Variants in EFHC1 observed in about 807,000 individuals in gnomAD.
EFHC1 encodes EF-hand domain containing 1.
A neutral mutation model predicts 69.9 loss-of-function variants in EFHC1; 53 were observed. The observed-to-expected ratio is 0.76, with a 90% confidence interval of 0.61 to 0.95. The LOEUF is 0.95. EFHC1 is among the 40% of genes least tolerant of loss of function. The probability of loss-of-function intolerance (pLI) is 0.00; values close to 1 mark genes in which losing one functional copy is unlikely to be tolerated. For synonymous variants in EFHC1, 256 were observed against 278.4 expected (o/e 0.92, Z 0.80); for missense variants, 739 against 798.7 (o/e 0.93, Z 0.90).
chr6:52,479,591 T>G, intron 8 of EFHC1, 49 bp from the exon 9 acceptor site: 1 of 1,613,524 alleles, frequency 6.2e-7, no homozygotes, highest in Non-Finnish European at 8.5e-7. Flanking sequence ...TACTCCTGAT[T>G]GCGTGAGAGA....
Position 52,479,232 on chromosome 6 carries a change from A to G in EFHC1, c.1474A>G (p.Ile492Val). ...CTACTATGGCCCCAGTGACTTCTTC[A>G]TTGGTGCTGTGATTGAAGGTAGGTC... ...PVYYGPSDFFIGAVIEVFGHR... is the reference protein window; with the variant it reads ...PVYYGPSDFFVGAVIEVFGHR... Residue 492 changes from isoleucine to valine, a missense_variant, in exon 8 of 11, where the codon ATT becomes GTT. By Grantham distance (29) the Ile-to-Val change is conservative. Coordinates refer to ENST00000371068, the MANE Select transcript of EFHC1 (RefSeq NM_018100.4). The G allele has an allele frequency of 1.9e-6, 3 of 1,614,076 alleles. No individual in the cohort carries two copies. Among genetic ancestry groups the G allele is most frequent in the Non-Finnish European group, 2.5e-6 (3 of 1,179,998 alleles).
intron 2 of EFHC1, among the ~76,000 whole-genome samples, chr6:52,431,516 G>T (rs1219128534): frequency 6.6e-6 from 1 of 152,080 alleles, no homozygotes; most frequent in Non-Finnish European, 1.5e-5. Flanking sequence ...GGTTTTGAAG[G>T]TTCCTTTTGG....
chr6:52,448,504 G>A (rs996549476), intron 3 of EFHC1, among the ~76,000 whole-genome samples: 7 of 152,116 alleles, frequency 4.6e-5, no homozygotes, highest in Admixed American at 2.6e-4. Context: ...GGAATTCCCC[G>A]ACCCCTTGTG....
At chr6:52,441,066 C>A (rs765733017) in intron 3 of EFHC1, among the ~76,000 whole-genome samples, 11 of 151,942 alleles carry the variant, frequency 7.2e-5, no homozygotes, top group Non-Finnish European at 1.5e-4. Context: ...GCAAATATTT[C>A]TTTCCCATTC....
At chr6:52,469,624 T>C in intron 7 of EFHC1, 151 bp downstream of exon 7, 1 of 1,099,374 alleles carries the variant, frequency 9.1e-7, no homozygotes. Flanking sequence ...TTCAGGGAGG[T>C]TGGATAGTAT....
intron 3 of EFHC1, among the ~76,000 whole-genome samples, chr6:52,448,764 T>C (rs1465337729): frequency 6.6e-6 from 1 of 152,224 alleles, no homozygotes; most frequent in Non-Finnish European, 1.5e-5. Flanking sequence ...ATATAGCTAT[T>C]GAGATAATTA....
In EFHC1 at chr6:52,492,752, C is replaced by A. The variant is rs568704769; in HGVS notation, c.*411C>A. On this transcript the variant is annotated 3_prime_UTR_variant, in exon 11 of 11. Transcript: ENST00000371068. Reference sequence around the variant, plus strand: ...ACTTCAACCTCCCCAGTAGCTGGGACAACAGGCTCAAGCCACCATGCCCAG... The same window carrying A: ...ACTTCAACCTCCCCAGTAGCTGGGAAAACAGGCTCAAGCCACCATGCCCAG... 4.5e-6 allele frequency: 2 copies of A among 443,640 alleles called. No individual in the cohort carries two copies. Among genetic ancestry groups the A allele is most frequent in the South Asian group, 1.6e-5 (1 of 61,826 alleles). The allele number at this position is 443,640 out of a possible 1,614,324, so 27.5% of individuals were successfully genotyped here. A position where few individuals can be genotyped will look rare whatever the true frequency, so the allele number is the denominator to read the frequency against.
intron 9 of EFHC1, among the ~76,000 whole-genome samples, chr6:52,484,946 A>G (rs776097726): frequency 6.6e-6 from 1 of 152,208 alleles, no homozygotes; most frequent in Non-Finnish European, 1.5e-5. Context: ...CTAAAACAGC[A>G]TATTTTAGCT....
chr6:52,472,506 A>G (rs1004117609), intron 7 of EFHC1, among the ~76,000 whole-genome samples: 1 of 152,194 alleles, frequency 6.6e-6, no homozygotes, highest in East Asian at 1.9e-4. Flanking sequence ...CAAAGAAAAC[A>G]TAAAGTTAAA....
Position 52,493,365 on chromosome 6 carries a change from C to CTCTCT in EFHC1, c.*1024_*1025insTCTCT. ...ATAACTCTCTCTTTCTCTCTCTCTA[C>CTCTCT]ATATATATATATATATATATTTTAT... is the stretch of plus-strand genomic sequence containing the variant. On this transcript the variant is annotated 3_prime_UTR_variant, in exon 11 of 11. Transcript: ENST00000371068. 1.8e-5 allele frequency: 3 copies of CTCTCT among 162,966 alleles called. No individual in the cohort carries two copies. The highest frequency in any genetic ancestry group is 1.4e-4 in the African/African-American group (3 of 22,062). 10.1% of individuals were successfully genotyped at this position (162,966 alleles called of 1,614,324 possible).
intron 9 of EFHC1, chr6:52,488,324 T>C (rs1765829117): frequency 6.6e-6 from 1 of 152,244 alleles, no homozygotes; most frequent in Non-Finnish European, 1.5e-5. Flanking sequence ...AGAGAGCATT[T>C]AGATATTGGG....
intron 3 of EFHC1, among the ~76,000 whole-genome samples, chr6:52,440,983 C>G (rs116444310): frequency 0.011 from 1,601 of 151,444 alleles, 24 homozygotes; most frequent in African/African-American, 0.037. Flanking sequence ...TAATGGGGTT[C>G]TTTGCTTTTT....
chr6:52,470,032 G>GA lies in EFHC1; in HGVS notation c.1278+567dup, dbSNP rs201866128. On this transcript the variant is annotated intron_variant, in intron 7 of 10. Transcript: ENST00000371068. Reference sequence around the variant, plus strand: ...TTCAAAGTGTAAGGTCTTTAAAATGGAAAAAAAATGTAGAATAGGAACCTA... The same window carrying GA: ...TTCAAAGTGTAAGGTCTTTAAAATGGAAAAAAAAATGTAGAATAGGAACCTA... 5.6e-3 allele frequency among the ~76,000 whole-genome samples: 844 copies of GA among 151,618 alleles called. 7 individuals carry two copies. The highest frequency in any genetic ancestry group is 0.019 in the African/African-American group (791 of 41,408).
intron 5 of EFHC1, among the ~76,000 whole-genome samples, chr6:52,464,568 C>G (rs77208043): frequency 0.032 from 4,874 of 152,264 alleles, 115 homozygotes; most frequent in Non-Finnish European, 0.048. Context: ...AGACCTAGGA[C>G]TTTATACTTA....
rs112121271 is a variant in EFHC1 at position 52,460,421 on chromosome 6, G to T, written c.917-4474G>T. ...ATGAGGAGACTTTTGGATGTGATTGGATGTTTATTATTTTGATTGTAATGA... is the reference window on the plus strand; with the variant it reads ...ATGAGGAGACTTTTGGATGTGATTGTATGTTTATTATTTTGATTGTAATGA... On this transcript the variant is annotated intron_variant, in intron 5 of 10. Transcript: ENST00000371068. Among the ~76,000 whole-genome samples, 295 of 152,244 alleles carry T rather than the reference G, an allele frequency of 1.9e-3. 2 individuals are homozygous for T. Among genetic ancestry groups the T allele is most frequent in the African/African-American group, 7.0e-3 (290 of 41,528 alleles).
intron 7 of EFHC1, among the ~76,000 whole-genome samples, chr6:52,476,305 G>C (rs1765544466): frequency 1.3e-5 from 2 of 152,184 alleles, no homozygotes. Context: ...CAAAGGGATG[G>C]CTCCTCCATA....
At chr6:52,441,990 G>A (rs1764675093) in intron 3 of EFHC1, among the ~76,000 whole-genome samples, 1 of 152,056 alleles carries the variant, frequency 6.6e-6, no homozygotes, top group Admixed American at 6.6e-5. Flanking sequence ...TTAACTTAAG[G>A]AGTTTTTGGG....
chr6:52,443,775 T>C (rs564443115), intron 3 of EFHC1, among the ~76,000 whole-genome samples: 1 of 152,358 alleles, frequency 6.6e-6, no homozygotes, highest in Non-Finnish European at 1.5e-5. Context: ...ATGCAGACTC[T>C]TTTTTGGTTC....
intron 2 of EFHC1, among the ~76,000 whole-genome samples, chr6:52,438,087 C>A (rs578144174): frequency 1.3e-5 from 2 of 152,176 alleles, no homozygotes; most frequent in South Asian, 4.1e-4. Context: ...CCACTCTTAG[C>A]TTGCAGGTCA....
Sources: allele counts gnomAD v4.1 joint callset (sites outside exome capture counted in the v4.1 genomes callset), GRCh38; gene constraint gnomAD v4.1.1; transcripts MANE v1.5; gene names NCBI Gene and HGNC (gene_info 2026-07-23, HGNC 2026-07-21).